Variants in MRE11 observed in about 807,000 individuals in gnomAD.
The protein encoded by MRE11 is MRE11 double strand break repair nuclease, also known as double-strand break repair protein MRE11.
Under a neutral mutation model 91.7 loss-of-function variants are expected in MRE11, and 62 were observed. The ratio of observed to expected loss-of-function variants is 0.68; its 90% CI spans 0.55 to 0.84. MRE11 has a LOEUF of 0.84. MRE11 is among the 40% of genes least tolerant of loss of function. The pLI, the probability that MRE11 is intolerant of heterozygous loss-of-function variation, is 0.00. For synonymous variants in MRE11, 273 were observed against 271.4 expected (o/e 1.01, Z -0.06); for missense variants, 796 against 852.9 (o/e 0.93, Z 0.83).
At chr11:94,471,379 T>C (rs957820485) in intron 8 of MRE11, among the ~76,000 whole-genome samples, 195 bp downstream of exon 8, 8 of 152,042 alleles carry the variant, frequency 5.3e-5, no homozygotes, top group African/African-American at 1.9e-4. Context: ...TTGGATGCTC[T>C]CTTTTTGAAA....
In MRE11 at chr11:94,419,470, G is replaced by A. The variant is rs1945113130; in HGVS notation, c.*655C>T. ...GTGGGGAACGGGGGGGAGAGGGAGAGAGAGAGAGAGAGAGAGAGAGAGAGA... is the reference window on the plus strand; with the variant it reads ...GTGGGGAACGGGGGGGAGAGGGAGAAAGAGAGAGAGAGAGAGAGAGAGAGA... On this transcript the variant is annotated 3_prime_UTR_variant, in exon 20 of 20. Transcript: ENST00000323929. 4.4e-6 allele frequency: 1 copy of A among 227,874 alleles called. No homozygotes were observed. Among genetic ancestry groups the A allele is most frequent in the African/African-American group, 2.3e-5 (1 of 44,052 alleles). The allele number at this position is 227,874 out of a possible 1,614,324, so 14.1% of individuals were successfully genotyped here.
chr11:94,433,909 G>C (rs912341377), intron 18 of MRE11, among the ~76,000 whole-genome samples: 1 of 152,126 alleles, frequency 6.6e-6, no homozygotes, highest in Non-Finnish European at 1.5e-5. Flanking sequence ...CTTCCTCAGA[G>C]GCTTTCCATG....
At chr11:94,444,964 T>A (rs1273312193) in intron 16 of MRE11, among the ~76,000 whole-genome samples, 1 of 152,204 alleles carries the variant, frequency 6.6e-6, no homozygotes, top group Non-Finnish European at 1.5e-5. Flanking sequence ...GCATACTTTT[T>A]GTAAATATGA....
In MRE11 at chr11:94,420,075, C is replaced by A; in HGVS notation, c.*50G>T. The stretch of plus-strand genomic sequence containing the variant: ...TAAACTGTAAACTCTTAGCTTGTAA[C>A]ATTTTCATTTTTCCTGTATCTTGCA... On this transcript the variant is annotated 3_prime_UTR_variant, in exon 20 of 20. Transcript: ENST00000323929. The A allele has an allele frequency of 7.1e-7, 1 of 1,416,668 alleles. No homozygotes were observed. Among genetic ancestry groups the A allele is most frequent in the Non-Finnish European group, 9.9e-7 (1 of 1,009,454 alleles). The allele number at this position is 1,416,668 out of a possible 1,614,324, so 87.8% of individuals were successfully genotyped here.
At chr11:94,492,747 C>T in intron 2 of MRE11, 35 bp downstream of exon 2, 1 of 1,613,472 alleles carries the variant, frequency 6.2e-7, no homozygotes, top group Non-Finnish European at 8.5e-7. Context: ...TTAGAAACCC[C>T]AAATAACAAG....
the MRE11 span, among the ~76,000 whole-genome samples, chr11:94,509,719 G>A: frequency 2.0e-5 from 3 of 152,072 alleles, no homozygotes; most frequent in African/African-American, 7.2e-5. Flanking sequence ...GATTACAGGC[G>A]TGACCCACCT....
Position 94,419,068 on chromosome 11 carries a change from A to G in MRE11, c.*1057T>C. The G allele has an allele frequency of 4.3e-6, 1 of 232,180 alleles. No homozygotes were observed. The highest frequency in any genetic ancestry group is 6.1e-5 in the East Asian group (1 of 16,290). 14.4% of individuals were successfully genotyped at this position (232,180 alleles called of 1,614,324 possible). On this transcript the variant is annotated 3_prime_UTR_variant, in exon 20 of 20. Coordinates refer to ENST00000323929, the MANE Select transcript of MRE11 (RefSeq NM_005591.4). ...ACTAGAAGAAGGAATAATCTCAGGG[A>G]TCTTTTTACAGAGGATTATAAAGAA...
chr11:94,463,290 G>A (rs974426363), intron 11 of MRE11, among the ~76,000 whole-genome samples: 4 of 152,194 alleles, frequency 2.6e-5, no homozygotes, highest in African/African-American at 7.2e-5. Context: ...AACAGGTGCT[G>A]GAGAGGATGT....
chr11:94,489,699 G>A (rs1947235713), intron 3 of MRE11, among the ~76,000 whole-genome samples: 1 of 152,124 alleles, frequency 6.6e-6, no homozygotes, highest in Non-Finnish European at 1.5e-5. Flanking sequence ...AAAAGTCAAG[G>A]CTGGCGGTGT....
upstream of MRE11, chr11:94,497,297 A>ATCCC (rs1947429486): frequency 4.4e-6 from 2 of 450,980 alleles, no homozygotes; most frequent in Non-Finnish European, 7.8e-6. Context: ...ATCATCATGT[A>ATCCC]TCCCTATAAG....
chr11:94,430,422 A>G (rs1284733136), intron 18 of MRE11, among the ~76,000 whole-genome samples: 1 of 152,134 alleles, frequency 6.6e-6, no homozygotes, highest in African/African-American at 2.4e-5. Context: ...CCATGGGAAC[A>G]TTGAAATATT....
At chr11:94,501,777 G>A in the MRE11 span, among the ~76,000 whole-genome samples, 4 of 151,376 alleles carry the variant, frequency 2.6e-5, no homozygotes, top group South Asian at 2.1e-4. Flanking sequence ...AAAACCCCTC[G>A]GTTTTCTCAT....
At chr11:94,420,321 G>A (rs1161022337) in intron 19 of MRE11, 140 bp from the exon 20 acceptor site, 2 of 630,150 alleles carry the variant, frequency 3.2e-6, no homozygotes, top group East Asian at 2.8e-5. Flanking sequence ...CTTTATAACT[G>A]CAAAATATAT....
chr11:94,484,560 G>A (rs987546784), intron 4 of MRE11, among the ~76,000 whole-genome samples: 2 of 152,140 alleles, frequency 1.3e-5, no homozygotes, highest in Non-Finnish European at 2.9e-5. Flanking sequence ...CTAACCAACA[G>A]CATATGGAAA....
chr11:94,425,309 C>A (rs1045233094), intron 19 of MRE11, among the ~76,000 whole-genome samples: 11 of 152,130 alleles, frequency 7.2e-5, no homozygotes, highest in African/African-American at 2.7e-4. Context: ...CTGAGGAATT[C>A]ATTACAACTA....
chr11:94,498,514 T>C, upstream of MRE11: 1 of 1,613,074 alleles, frequency 6.2e-7, no homozygotes. Context: ...GCTGTACAAA[T>C]TCTTCACCTC....
At chr11:94,423,906 G>A (rs1945239710) in intron 19 of MRE11, among the ~76,000 whole-genome samples, 1 of 152,194 alleles carries the variant, frequency 6.6e-6, no homozygotes. Context: ...TGAGACACGT[G>A]GGTTCGTGGG....
At chr11:94,494,718 T>G (rs1192881688), upstream of MRE11, among the ~76,000 whole-genome samples, 5 of 152,234 alleles carry the variant, frequency 3.3e-5, no homozygotes, top group Non-Finnish European at 7.3e-5. Context: ...AGTAAAATTT[T>G]GTACATAATT....
intron 7 of MRE11, among the ~76,000 whole-genome samples, chr11:94,474,184 G>A (rs1335184341): frequency 6.6e-6 from 1 of 152,106 alleles, no homozygotes; most frequent in African/African-American, 2.4e-5. Context: ...TGGAGAAATG[G>A]TTGATTCCAG....
Sources: gnomAD v4.1 joint callset for allele counts (sites outside exome capture counted in the v4.1 genomes callset) on GRCh38, gnomAD v4.1.1 for gene constraint, MANE v1.5 for transcripts, NCBI Gene and HGNC (gene_info 2026-07-23, HGNC 2026-07-21) for gene names.